CNTNAP5: variants seen among roughly 807,000 people sequenced by gnomAD.
The protein encoded by CNTNAP5 is contactin associated protein family member 5, also known as contactin-associated protein-like 5.
In CNTNAP5, 72 loss-of-function variants were observed where a neutral mutation model predicts 150.2. That is an observed-to-expected ratio of 0.48 (90% CI 0.40 to 0.58). The LOEUF is 0.58. Ranked by LOEUF, CNTNAP5 falls within the 20% of genes least tolerant of loss-of-function variation. The pLI is 0.00. For synonymous variants in CNTNAP5, 672 were observed against 619.8 expected (o/e 1.08, Z -1.25); for missense variants, 1,636 against 1,626.2 (o/e 1.01, Z -0.10).
intron 1 of CNTNAP5, among the ~76,000 whole-genome samples, chr2:124,039,106 T>C (rs1681299323): frequency 6.6e-6 from 1 of 152,220 alleles, no homozygotes; most frequent in African/African-American, 2.4e-5. Flanking sequence ...TTATTGGAAT[T>C]TACTGATTTG....
chr2:124,296,021 A>T (rs1246411382), intron 3 of CNTNAP5, among the ~76,000 whole-genome samples: 1 of 152,202 alleles, frequency 6.6e-6, no homozygotes, highest in Non-Finnish European at 1.5e-5. Context: ...AAAGTCCTAA[A>T]ACCTATTATG....
At chr2:124,256,252 C>T (rs557304574) in intron 3 of CNTNAP5, among the ~76,000 whole-genome samples, 16 of 152,230 alleles carry the variant, frequency 1.1e-4, no homozygotes, top group African/African-American at 3.9e-4. Context: ...TCAGAGTGAG[C>T]AACTTATACT....
intron 8 of CNTNAP5, among the ~76,000 whole-genome samples, chr2:124,522,728 C>T (rs1022548896): frequency 2.6e-5 from 4 of 152,228 alleles, no homozygotes; most frequent in Non-Finnish European, 1.5e-5. Flanking sequence ...ATTGGATCCT[C>T]TTTCTAGCTG....
intron 23 of CNTNAP5, among the ~76,000 whole-genome samples, chr2:124,912,518 C>G (rs545131221): frequency 1.1e-3 from 162 of 152,104 alleles, no homozygotes; most frequent in African/African-American, 3.7e-3. Flanking sequence ...GAGGTGCACT[C>G]CTGAGAACAT....
intron 8 of CNTNAP5, among the ~76,000 whole-genome samples, chr2:124,508,099 T>A (rs1001383211): frequency 6.8e-6 from 1 of 146,362 alleles, no homozygotes; most frequent in African/African-American, 2.5e-5. Context: ...AAAAAAAAAA[T>A]TATGTTGGTG....
chr2:124,589,471 T>TA (rs1440533374), intron 11 of CNTNAP5, among the ~76,000 whole-genome samples: 4 of 152,208 alleles, frequency 2.6e-5, no homozygotes, highest in Non-Finnish European at 5.9e-5. Context: ...CTATTATGAA[T>TA]AATGGACATG....
chr2:124,200,116 A>T (rs1485601023), intron 1 of CNTNAP5, among the ~76,000 whole-genome samples: 2 of 152,188 alleles, frequency 1.3e-5, no homozygotes, highest in African/African-American at 4.8e-5. Context: ...TGGCATAGAC[A>T]CCCTTCCAAT....
chr2:124,512,373 G>A (rs1694612408), intron 8 of CNTNAP5, among the ~76,000 whole-genome samples: 1 of 152,080 alleles, frequency 6.6e-6, no homozygotes, highest in Non-Finnish European at 1.5e-5. Context: ...ATGAAATCCA[G>A]AAGGGTGGGT....
At chr2:124,564,426 G>A (rs1695965969) in intron 11 of CNTNAP5, among the ~76,000 whole-genome samples, 1 of 152,146 alleles carries the variant, frequency 6.6e-6, no homozygotes, top group Admixed American at 6.5e-5. Context: ...CACGATCTTG[G>A]CTCACTGGAA....
chr2:124,589,376 C>A (rs1014397137), intron 11 of CNTNAP5, among the ~76,000 whole-genome samples: 8 of 152,148 alleles, frequency 5.3e-5, no homozygotes, highest in African/African-American at 1.7e-4. Context: ...TTTTCACTGC[C>A]TAGTAATATT....
chr2:124,229,191 G>T (rs1686548708), intron 2 of CNTNAP5, among the ~76,000 whole-genome samples: 1 of 152,066 alleles, frequency 6.6e-6, no homozygotes, highest in South Asian at 2.1e-4. Flanking sequence ...GGAAAAATGT[G>T]CTGGGCAAAT....
chr2:124,037,562 C>G (rs909963229), intron 1 of CNTNAP5, among the ~76,000 whole-genome samples: 19 of 152,124 alleles, frequency 1.2e-4, no homozygotes, highest in African/African-American at 3.4e-4. Context: ...GACATTATGT[C>G]AAGTGAAACA....
intron 11 of CNTNAP5, among the ~76,000 whole-genome samples, chr2:124,608,238 T>C (rs1040639207): frequency 1.3e-5 from 2 of 152,154 alleles, no homozygotes; most frequent in African/African-American, 4.8e-5. Flanking sequence ...GTGACATGAT[T>C]GGAGATGTAG....
intron 3 of CNTNAP5, among the ~76,000 whole-genome samples, chr2:124,277,232 G>A (rs777810861): frequency 6.6e-6 from 1 of 152,106 alleles, no homozygotes; most frequent in Non-Finnish European, 1.5e-5. Context: ...AATGCACATC[G>A]CCATGCAAGA....
intron 11 of CNTNAP5, among the ~76,000 whole-genome samples, chr2:124,580,195 T>G (rs1696377764): frequency 6.6e-6 from 1 of 152,236 alleles, no homozygotes; most frequent in African/African-American, 2.4e-5. Flanking sequence ...ACTAAAGTTC[T>G]GGTCAGTCTC....
chr2:124,415,688 G>A (rs992991746), intron 3 of CNTNAP5, among the ~76,000 whole-genome samples: 6 of 152,124 alleles, frequency 3.9e-5, no homozygotes, highest in South Asian at 2.1e-4. Context: ...CAAGCAAATC[G>A]GTATGCTAGC....
Position 124,701,169 on chromosome 2 carries a change from A to T in CNTNAP5, c.2078-46060A>T, listed in dbSNP as rs1464271687. On this transcript the variant is annotated intron_variant, in intron 13 of 23. Coordinates refer to ENST00000682447, the MANE Select transcript of CNTNAP5 (RefSeq NM_001367498.1). ...ACCTATATATTCCCATTTCCTATGC[A>T]TTTTCTACCCTCCTCTGTCAACCCT... 2.6e-5 allele frequency among the ~76,000 whole-genome samples: 4 copies of T among 151,778 alleles called. 1 individual carries two copies. Among genetic ancestry groups the T allele is most frequent in the Non-Finnish European group, 5.9e-5 (4 of 67,926 alleles).
At chr2:124,613,451 G>T (rs1677426842) in intron 12 of CNTNAP5, among the ~76,000 whole-genome samples, 1 of 152,204 alleles carries the variant, frequency 6.6e-6, no homozygotes, top group South Asian at 2.1e-4. Context: ...GTAAAATTAA[G>T]ATCTGGGTCC....
intron 8 of CNTNAP5, among the ~76,000 whole-genome samples, chr2:124,521,549 T>C (rs1391769343): frequency 1.3e-5 from 2 of 152,172 alleles, no homozygotes. Context: ...CAGTGCCATC[T>C]GTAACATGAA....
Sources: allele counts gnomAD v4.1 joint callset (sites outside exome capture counted in the v4.1 genomes callset), GRCh38; gene constraint gnomAD v4.1.1; transcripts MANE v1.5; gene names NCBI Gene and HGNC (gene_info 2026-07-23, HGNC 2026-07-21).